RTN4IP1: variants seen among roughly 807,000 people sequenced by gnomAD.
RTN4IP1 encodes the protein NAD(P)H oxidoreductase RTN4IP1, mitochondrial.
Under a neutral mutation model 46.6 loss-of-function variants are expected in RTN4IP1, and 32 were observed. The ratio of observed to expected loss-of-function variants is 0.69; its 90% confidence interval spans 0.52 to 0.92. The LOEUF (loss-of-function observed/expected upper bound fraction) is 0.92. Among genes scored for constraint, RTN4IP1 ranks in the 40% least tolerant of loss-of-function variants. The probability of loss-of-function intolerance (pLI) is 0.00; values close to 1 mark genes in which losing one functional copy is unlikely to be tolerated. For synonymous variants in RTN4IP1, 167 were observed against 161.8 expected, an observed-to-expected ratio of 1.03 and a Z score of -0.24; for missense variants, 424 against 485.8, an observed-to-expected ratio of 0.87 and a Z score of 1.20.
At chr6:106,597,624 T>G (rs1392969519) in intron 5 of RTN4IP1, among the ~76,000 whole-genome samples, 2 of 151,920 alleles carry the variant, frequency 1.3e-5, no homozygotes, top group Non-Finnish European at 2.9e-5. Context: ...GATTACAGGG[T>G]GAGCCACTGT....
intron 4 of RTN4IP1, among the ~76,000 whole-genome samples, chr6:106,611,471 C>G (rs1225223582): frequency 1.3e-5 from 2 of 152,166 alleles, no homozygotes; most frequent in Non-Finnish European, 2.9e-5. Flanking sequence ...AATCGACCAT[C>G]AGTAGAAACA....
Position 106,626,152 on chromosome 6 carries a change from A to T in RTN4IP1, c.274+2596T>A, listed in dbSNP as rs9480693. Among the ~76,000 whole-genome samples the T allele has an allele frequency of 2.0e-3, 312 of 152,280 alleles. 1 individual carries two copies. Among genetic ancestry groups the T allele is most frequent in the African/African-American group, 6.7e-3 (280 of 41,556 alleles). ...AGCAGTGACAGCTAATCCATACAGC[A>T]GGAGGGAAGGTAGAAGATACCGAGA... On this transcript the variant is annotated intron_variant, in intron 1 of 8. Coordinates refer to ENST00000369063, the MANE Select transcript of RTN4IP1 (RefSeq NM_032730.5).
In RTN4IP1 at chr6:106,622,835, A is replaced by G. The variant is rs758425128; in HGVS notation, c.409T>C (p.Phe137Leu). ...TAACTCACCTCATCTCCAGGCTTGA[A>G]GTATTTCACATCAAGCCCACATTCC... ...VMECGLDVKYFKPGDEVWAAV... is the reference protein window; with the variant it reads ...VMECGLDVKYLKPGDEVWAAV... Residue 137 changes from phenylalanine (F) to leucine (L), a missense_variant, in exon 2 of 9, where the codon TTC becomes CTC. Phe to Leu is a conservative substitution (Grantham distance 22). Coordinates refer to ENST00000369063, the MANE Select transcript of RTN4IP1 (RefSeq NM_032730.5). 2.5e-6 allele frequency: 4 copies of G among 1,613,576 alleles called. No individual in the cohort carries two copies. In the South Asian group the frequency reaches 4.4e-5, roughly 18 times the overall value.
At chr6:106,579,862 C>T (rs938040305) in intron 8 of RTN4IP1, among the ~76,000 whole-genome samples, 5 of 151,860 alleles carry the variant, frequency 3.3e-5, no homozygotes, top group African/African-American at 1.2e-4. Flanking sequence ...GATCCTCCCA[C>T]CTCAAACTTT....
At chr6:106,586,426 G>T (rs553604814) in intron 7 of RTN4IP1, among the ~76,000 whole-genome samples, 2 of 151,828 alleles carry the variant, frequency 1.3e-5, no homozygotes, top group East Asian at 3.9e-4. Context: ...CCAGGCTGCA[G>T]TACAGTGGCA....
At chr6:106,616,709 A>G (rs1285846942) in intron 4 of RTN4IP1, among the ~76,000 whole-genome samples, 1 of 152,378 alleles carries the variant, frequency 6.6e-6, no homozygotes, top group South Asian at 2.1e-4. Context: ...ATAAAATCTC[A>G]TTATAGAATT....
At chr6:106,616,882 G>C (rs1175529656) in intron 4 of RTN4IP1, among the ~76,000 whole-genome samples, 1 of 152,166 alleles carries the variant, frequency 6.6e-6, no homozygotes. Flanking sequence ...GCTATGGTCT[G>C]AATGTTTGTA....
At chr6:106,587,961 AG>A in intron 6 of RTN4IP1, 99 bp from the exon 7 acceptor site, 1 of 1,082,940 alleles carries the variant, frequency 9.2e-7, no homozygotes, top group South Asian at 1.6e-5. Context: ...GGTTTATTTC[AG>A]TGACAAATCT....
rs762357576 is a variant in RTN4IP1 at position 106,619,330 on chromosome 6, C to T, written c.496-4G>A. ...GTGATTTGGGTTTGTGAGAGACCTA[C>T]ATTTGAAGACAACAGTCAAAAATAA... On this transcript the variant is annotated splice_region_variant and splice_polypyrimidine_tract_variant and intron_variant, in intron 3 of 8. Coordinates refer to ENST00000369063, the MANE Select transcript of RTN4IP1 (RefSeq NM_032730.5). The T allele has an allele frequency of 1.2e-6, 2 of 1,613,904 alleles. No individual in the cohort carries two copies. The highest frequency in any genetic ancestry group is 1.7e-5 in the Admixed American group (1 of 59,974).
chr6:106,627,731 G>C (rs1776682726), intron 1 of RTN4IP1, among the ~76,000 whole-genome samples: 1 of 123,008 alleles, frequency 8.1e-6, no homozygotes, highest in South Asian at 3.2e-4. Context: ...TCACAGTAAA[G>C]TCATTTCAAT....
At chr6:106,626,946 G>A (rs7759021) in intron 1 of RTN4IP1, among the ~76,000 whole-genome samples, 11,590 of 151,876 alleles carry the variant, frequency 0.076, 1,137 homozygotes, top group African/African-American at 0.21. Context: ...ATTATTTTAC[G>A]TCCAACAGTA....
At chr6:106,628,698 T>C (rs774221564) in intron 1 of RTN4IP1, 50 bp downstream of exon 1, 6 of 1,529,688 alleles carry the variant, frequency 3.9e-6, no homozygotes, top group Admixed American at 3.6e-5. Context: ...CGGCATACCT[T>C]ATGAAAGTGA....
At chr6:106,608,245 A>G (rs1037354543) in intron 4 of RTN4IP1, among the ~76,000 whole-genome samples, 1 of 152,188 alleles carries the variant, frequency 6.6e-6, no homozygotes, top group African/African-American at 2.4e-5. Flanking sequence ...AAGAAGATAA[A>G]TACCACGTTT....
At chr6:106,620,782 A>G (rs954431408) in intron 3 of RTN4IP1, among the ~76,000 whole-genome samples, 5 of 152,166 alleles carry the variant, frequency 3.3e-5, no homozygotes, top group African/African-American at 1.2e-4. Flanking sequence ...AGATATAACT[A>G]CTTCATTGTT....
chr6:106,578,196 T>C (rs1582856521), intron 8 of RTN4IP1, among the ~76,000 whole-genome samples: 1 of 152,290 alleles, frequency 6.6e-6, no homozygotes, highest in Non-Finnish European at 1.5e-5. Flanking sequence ...TAGGTAACAA[T>C]GTCTGGATGA....
intron 4 of RTN4IP1, among the ~76,000 whole-genome samples, chr6:106,611,833 T>C (rs1034940184): frequency 9.2e-5 from 14 of 152,202 alleles, no homozygotes; most frequent in South Asian, 4.1e-4. Context: ...GTTTAGAAAG[T>C]TAAACACATT....
At chr6:106,628,674 T>C (rs1250257359) in intron 1 of RTN4IP1, 74 bp downstream of exon 1, 2 of 1,339,020 alleles carry the variant, frequency 1.5e-6, no homozygotes, top group Non-Finnish European at 2.1e-6. Context: ...AGAAGCGTAG[T>C]CAATTTTTTA....
chr6:106,595,521 G>A (rs6911770), intron 5 of RTN4IP1, among the ~76,000 whole-genome samples: 2,823 of 148,984 alleles, frequency 0.019, 76 homozygotes, highest in African/African-American at 0.068. Context: ...TTTTTGTGGG[G>A]GACAGTCTCG....
chr6:106,583,264 C>A (rs1775410775), intron 8 of RTN4IP1, 64 bp downstream of exon 8: 1 of 1,290,772 alleles, frequency 7.7e-7, no homozygotes, highest in African/African-American at 1.5e-5. Flanking sequence ...GCTCAGTGGG[C>A]AGGTCTACAG....
Sources: allele counts gnomAD v4.1 joint callset (sites outside exome capture counted in the v4.1 genomes callset), GRCh38; gene constraint gnomAD v4.1.1; transcripts MANE v1.5; gene names NCBI Gene and HGNC (gene_info 2026-07-23, HGNC 2026-07-21).